Variants in ARHGAP15 observed in about 807,000 individuals in gnomAD.
The protein encoded by ARHGAP15 is Rho GTPase activating protein 15.
In ARHGAP15, 51 loss-of-function variants were observed where a neutral mutation model predicts 63.7. The observed-to-expected ratio is 0.80, with a 90% CI of 0.64 to 1.01. The LOEUF is 1.01. Among genes scored for constraint, ARHGAP15 ranks in the 50% least tolerant of loss-of-function variants. The probability of loss-of-function intolerance (pLI) is 0.00; values close to 1 mark genes in which losing one functional copy is unlikely to be tolerated. For synonymous variants in ARHGAP15, 191 were observed against 193.8 expected (o/e 0.99, Z 0.12); for missense variants, 560 against 564.6 (o/e 0.99, Z 0.08).
intron 6 of ARHGAP15, among the ~76,000 whole-genome samples, chr2:143,433,108 G>A (rs1034504469): frequency 1.3e-5 from 2 of 152,004 alleles, no homozygotes; most frequent in Non-Finnish European, 2.9e-5. Flanking sequence ...TTCCCCAAGA[G>A]TGTTGGAAAT....
intron 13 of ARHGAP15, among the ~76,000 whole-genome samples, chr2:143,766,014 C>T (rs758466888): frequency 3.9e-5 from 6 of 152,168 alleles, no homozygotes; most frequent in Non-Finnish European, 8.8e-5. Flanking sequence ...GTGCCATGAG[C>T]TTGCTTGGTG....
intron 6 of ARHGAP15, among the ~76,000 whole-genome samples, chr2:143,330,106 A>AAC (rs1684453014): frequency 1.2e-5 from 1 of 80,826 alleles, no homozygotes; most frequent in Non-Finnish European, 2.4e-5. Flanking sequence ...AAAAAAAAAA[A>AAC]AAAAAAAAAA....
At chr2:143,413,966 T>TGTGCGCGCGCGCGCGCGC in intron 6 of ARHGAP15, among the ~76,000 whole-genome samples, 162 of 117,912 alleles carry the variant, frequency 1.4e-3, no homozygotes, top group African/African-American at 4.8e-3. Context: ...TGTGTGTGTG[T>TGTGCGCGCGCGCGCGCGC]GCGCGCTCTC....
At chr2:143,603,468 T>C (rs958278606) in intron 11 of ARHGAP15, among the ~76,000 whole-genome samples, 1 of 152,188 alleles carries the variant, frequency 6.6e-6, no homozygotes, top group African/African-American at 2.4e-5. Context: ...CACTGTTCTT[T>C]GCATTAATGC....
At chr2:143,763,620 T>A (rs1183062341) in intron 13 of ARHGAP15, among the ~76,000 whole-genome samples, 1 of 143,848 alleles carries the variant, frequency 7.0e-6, no homozygotes, top group Non-Finnish European at 1.5e-5. Flanking sequence ...TGCATATATA[T>A]AAATAATAAA....
intron 6 of ARHGAP15, among the ~76,000 whole-genome samples, chr2:143,299,106 T>C (rs760705573): frequency 6.6e-6 from 1 of 151,982 alleles, no homozygotes; most frequent in African/African-American, 2.4e-5. Context: ...GTGTCTGATA[T>C]AAAAAGCAAG....
intron 12 of ARHGAP15, among the ~76,000 whole-genome samples, chr2:143,690,895 G>C (rs1415081451): frequency 6.6e-6 from 1 of 152,024 alleles, no homozygotes; most frequent in Non-Finnish European, 1.5e-5. Flanking sequence ...CTTACCTTTG[G>C]AACGGACATT....
At chr2:143,263,377 G>A (rs1353718948) in intron 6 of ARHGAP15, among the ~76,000 whole-genome samples, 2 of 152,148 alleles carry the variant, frequency 1.3e-5, no homozygotes, top group Non-Finnish European at 2.9e-5. Context: ...GGATGGAAGG[G>A]GTCTGATGTT....
At chr2:143,306,598 T>C (rs887046318) in intron 6 of ARHGAP15, among the ~76,000 whole-genome samples, 2 of 152,108 alleles carry the variant, frequency 1.3e-5, no homozygotes, top group African/African-American at 4.8e-5. Flanking sequence ...TAGAATTACT[T>C]AGGAGAGGAT....
chr2:143,740,423 C>T (rs917081579), intron 13 of ARHGAP15, among the ~76,000 whole-genome samples: 2 of 152,182 alleles, frequency 1.3e-5, no homozygotes, highest in Admixed American at 1.3e-4. Flanking sequence ...TCCCTTGAGC[C>T]ATTACACATG....
intron 6 of ARHGAP15, among the ~76,000 whole-genome samples, chr2:143,312,923 T>C (rs1184020566): frequency 6.6e-6 from 1 of 152,174 alleles, no homozygotes; most frequent in African/African-American, 2.4e-5. Context: ...TAAAGAATGG[T>C]ATATAAAAAC....
At chr2:143,313,644 A>G (rs1683549625) in intron 6 of ARHGAP15, among the ~76,000 whole-genome samples, 1 of 152,222 alleles carries the variant, frequency 6.6e-6, no homozygotes, top group South Asian at 2.1e-4. Flanking sequence ...TGTTTGTAAC[A>G]TAACGACAGA....
chr2:143,192,111 G>T (rs542037045), intron 2 of ARHGAP15, among the ~76,000 whole-genome samples: 2 of 152,334 alleles, frequency 1.3e-5, no homozygotes, highest in South Asian at 4.1e-4. Context: ...CACTTTAGTG[G>T]TATATGACAG....
intron 12 of ARHGAP15, among the ~76,000 whole-genome samples, chr2:143,643,089 A>C (rs1009226300): frequency 6.6e-6 from 1 of 152,140 alleles, no homozygotes; most frequent in African/African-American, 2.4e-5. Context: ...GATGGGTTAA[A>C]TTTTATGCTG....
chr2:143,668,276 TTTTC>T (rs1441404627), intron 12 of ARHGAP15, among the ~76,000 whole-genome samples: 1 of 140,630 alleles, frequency 7.1e-6, no homozygotes, highest in Non-Finnish European at 1.6e-5. Flanking sequence ...CTTGATTCTA[TTTTC>T]TTTTTTTTTT....
intron 5 of ARHGAP15, among the ~76,000 whole-genome samples, chr2:143,231,105 T>A (rs1295117361): frequency 7.2e-6 from 1 of 139,530 alleles, no homozygotes; most frequent in Admixed American, 7.6e-5. Context: ...CATTAGCTGA[T>A]AACATTACTC....
At position 143,721,934 on chromosome 2, in the gene ARHGAP15, G is replaced by A. The variant is rs570869474; in HGVS notation, c.1244+18410G>A. 2.6e-4 allele frequency among the ~76,000 whole-genome samples: 39 copies of A among 152,200 alleles called. No homozygotes were observed. The South Asian group carries it at 2.9e-3, about 11-fold the overall frequency. On this transcript the variant is annotated intron_variant, in intron 13 of 13. Transcript: ENST00000295095. ...ACTCCTGAACTCAGGCAATCCACCGGCCTCGGCCTCGGCCTCCCAAAGTGC... is the reference window on the plus strand; with the variant it reads ...ACTCCTGAACTCAGGCAATCCACCGACCTCGGCCTCGGCCTCCCAAAGTGC...
chr2:143,169,285 T>C (rs894374091), intron 2 of ARHGAP15, among the ~76,000 whole-genome samples: 2 of 152,150 alleles, frequency 1.3e-5, no homozygotes, highest in Non-Finnish European at 2.9e-5. Flanking sequence ...TTGCCTCCTC[T>C]AGATGGGGCA....
chr2:143,139,159 T>C (rs796083869), intron 1 of ARHGAP15, among the ~76,000 whole-genome samples: 1 of 152,134 alleles, frequency 6.6e-6, no homozygotes, highest in South Asian at 2.1e-4. Flanking sequence ...TGATATCCCA[T>C]CAGCAGGTTA....
Sources: allele counts gnomAD v4.1 joint callset (sites outside exome capture counted in the v4.1 genomes callset), GRCh38; gene constraint gnomAD v4.1.1; transcripts MANE v1.5; gene names NCBI Gene and HGNC (gene_info 2026-07-23, HGNC 2026-07-21).